The following FBXO32 variants were observed in gnomAD, a reference collection of about 807,000 sequenced individuals.
The protein encoded by FBXO32 is F-box protein 32.
A neutral mutation model predicts 48.3 loss-of-function variants in FBXO32; 15 were observed. The observed-to-expected ratio is 0.31, with a 90% CI of 0.21 to 0.48. The LOEUF (loss-of-function observed/expected upper bound fraction) is 0.48, where lower values mean the gene tolerates loss of function less well. Among genes scored for constraint, FBXO32 ranks in the 20% least tolerant of loss-of-function variants. FBXO32 has a pLI of 0.99. For missense variants in FBXO32, 309 were observed against 432.7 expected (o/e 0.71, Z 2.54); for synonymous variants, 154 against 165.9 (o/e 0.93, Z 0.55).
At chr8:123,531,756 T>C (rs1817214452) in intron 4 of FBXO32, 142 bp downstream of exon 4, 1 of 915,144 alleles carries the variant, frequency 1.1e-6, no homozygotes, top group African/African-American at 1.7e-5. Context: ...AAGAAGGAGA[T>C]TGAGGGGTCT....
rs1816525558 is a variant in FBXO32 at position 123,502,857 on chromosome 8, C to A, written c.*516G>T. 1 of 152,974 alleles carries A rather than the reference C, an allele frequency of 6.5e-6. No individual in the cohort carries two copies. The highest frequency in any genetic ancestry group is 1.5e-5 in the Non-Finnish European group (1 of 68,628). 9.5% of individuals were successfully genotyped at this position (152,974 alleles called of 1,614,324 possible). ...TGTAGGGTAAGGCTCTGTGCCCATG[C>A]AGGTTTAGGATGGGTGGCGCTTCCT... is the stretch of plus-strand genomic sequence containing the variant. On this transcript the variant is annotated 3_prime_UTR_variant, in exon 9 of 9. Transcript: ENST00000517956.
At chr8:123,534,842 G>C in intron 1 of FBXO32, 28 bp from the exon 2 acceptor site, 1 of 1,444,678 alleles carries the variant, frequency 6.9e-7, no homozygotes, top group Non-Finnish European at 9.7e-7. Context: ...CAAAGAGGAT[G>C]AGCTGTAACA....
Position 123,509,702 on chromosome 8 carries a change from A to AAAACAAAC in FBXO32, c.652-3136_652-3129dup, listed in dbSNP as rs141509717. Among the ~76,000 whole-genome samples, 264 of 151,708 alleles carry AAAACAAAC rather than the reference A, an allele frequency of 1.7e-3. 2 individuals carry two copies. Among genetic ancestry groups the AAAACAAAC allele is most frequent in the Admixed American group, 0.013 (191 of 15,242 alleles). On this transcript the variant is annotated intron_variant, in intron 6 of 8. Transcript: ENST00000517956. ...GCAAGGGGAATAAGACCCTATCTCA[A>AAAACAAAC]AAACAAACAAACAAACAAACAAACA...
chr8:123,533,572 T>C (rs573504036), intron 2 of FBXO32, among the ~76,000 whole-genome samples: 10 of 151,814 alleles, frequency 6.6e-5, no homozygotes, highest in Non-Finnish European at 1.3e-4. Context: ...CTGTGGGAGG[T>C]TGAGGCAGGC....
chr8:123,505,534 A>G (rs10089663), intron 7 of FBXO32, among the ~76,000 whole-genome samples: 56,808 of 151,996 alleles, frequency 0.37, 12,957 homozygotes, highest in African/African-American at 0.61. Flanking sequence ...TCAGGAGTTC[A>G]AGACCAGCCT....
rs1170086950 is a variant in FBXO32, at chr8:123,540,868, G to T, written c.116+31C>A. On this transcript the variant is annotated intron_variant, in intron 1 of 8. Transcript: ENST00000517956. This position sits in a 1 kb window ranked among gnomAD's most constrained non-coding sequence, Gnocchi z 6.4. ...CAGACCAGCCCGGGTCAGTTTCGCG[G>T]GGGCTGGAAGTTGGTAGCGGGTCCC... 2 of 1,577,292 alleles carry T rather than the reference G, an allele frequency of 1.3e-6. No individual in the cohort carries two copies. Among genetic ancestry groups the T allele is most frequent in the East Asian group, 4.6e-5 (2 of 43,860 alleles).
chr8:123,535,334 T>G (rs1016833098), intron 1 of FBXO32, among the ~76,000 whole-genome samples: 4 of 152,206 alleles, frequency 2.6e-5, no homozygotes, highest in African/African-American at 9.6e-5. Flanking sequence ...TTAAGTAGCA[T>G]CCTTCTAACA....
intron 1 of FBXO32, among the ~76,000 whole-genome samples, chr8:123,537,951 A>G (rs6984753): frequency 0.99 from 151,273 of 152,230 alleles, 75,163 homozygotes; most frequent in East Asian, 1. Context: ...TTGCTGAGGA[A>G]GGCTGTGCGG....
intron 4 of FBXO32, among the ~76,000 whole-genome samples, chr8:123,520,197 T>C (rs529753578): frequency 2.9e-4 from 44 of 152,320 alleles, no homozygotes; most frequent in African/African-American, 9.6e-4. Flanking sequence ...TCTTTGCCCC[T>C]AGCCACAAGA....
intron 4 of FBXO32, among the ~76,000 whole-genome samples, chr8:123,527,496 G>T (rs185175914): frequency 6.6e-6 from 1 of 152,110 alleles, no homozygotes; most frequent in Non-Finnish European, 1.5e-5. Flanking sequence ...GTAAATGTTG[G>T]TGTTTTCTGT....
intron 1 of FBXO32, 79 bp from the exon 2 acceptor site, chr8:123,534,893 G>A: frequency 2.4e-6 from 2 of 816,698 alleles, no homozygotes; most frequent in Admixed American, 4.5e-5. Context: ...ATAACTCACT[G>A]AGTTATAAGA....
At chr8:123,537,987 G>A (rs1387614480) in intron 1 of FBXO32, among the ~76,000 whole-genome samples, 2 of 152,134 alleles carry the variant, frequency 1.3e-5, no homozygotes, top group Non-Finnish European at 2.9e-5. Flanking sequence ...CTTCCTTGAA[G>A]CATTCTTGGA....
chr8:123,520,506 G>C (rs1816930848), intron 4 of FBXO32, among the ~76,000 whole-genome samples: 1 of 152,166 alleles, frequency 6.6e-6, no homozygotes, highest in Non-Finnish European at 1.5e-5. Flanking sequence ...CTGCCCTTCA[G>C]CTTTGGCTCA....
intron 1 of FBXO32, among the ~76,000 whole-genome samples, chr8:123,535,970 A>G (rs1817302866): frequency 6.6e-6 from 1 of 151,984 alleles, no homozygotes; most frequent in Admixed American, 6.6e-5. Flanking sequence ...GCACTTCTCT[A>G]TTTCCTTGGC....
intron 4 of FBXO32, among the ~76,000 whole-genome samples, chr8:123,524,109 G>A (rs1164205992): frequency 6.6e-6 from 1 of 152,144 alleles, no homozygotes; most frequent in Non-Finnish European, 1.5e-5. Context: ...TCTAGTCTTA[G>A]TCTTCCCCCA....
intron 2 of FBXO32, 80 bp downstream of exon 2, chr8:123,534,622 G>T: frequency 3.6e-6 from 3 of 822,022 alleles, no homozygotes; most frequent in Non-Finnish European, 6.2e-6. Context: ...GACATGGGAG[G>T]TGTTATTTTT....
At chr8:123,526,629 G>C (rs1417787093) in intron 4 of FBXO32, among the ~76,000 whole-genome samples, 1 of 152,072 alleles carries the variant, frequency 6.6e-6, no homozygotes, top group African/African-American at 2.4e-5. Context: ...CCTCAAACCA[G>C]TTCCCCTAAG....
intron 1 of FBXO32, among the ~76,000 whole-genome samples, chr8:123,536,699 A>T (rs1332541073): frequency 1.3e-5 from 2 of 152,256 alleles, no homozygotes; most frequent in African/African-American, 4.8e-5. Flanking sequence ...TTCCACATGT[A>T]GAGAATCATA....
chr8:123,537,932 A>AG (rs1221507173), intron 1 of FBXO32, among the ~76,000 whole-genome samples: 1 of 151,664 alleles, frequency 6.6e-6, no homozygotes, highest in Non-Finnish European at 1.5e-5. Context: ...GTGGGCGGTG[A>AG]GGGGGTGGTT....
Sources: gnomAD v4.1 joint callset for allele counts (sites outside exome capture counted in the v4.1 genomes callset) on GRCh38, gnomAD v4.1.1 for gene constraint, Gnocchi (gnomAD v3.1) non-coding constraint, MANE v1.5 for transcripts, NCBI Gene and HGNC (gene_info 2026-07-23, HGNC 2026-07-21) for gene names.